HERC4: variants seen among roughly 807,000 people sequenced by gnomAD.
The protein encoded by HERC4 is HECT and RLD domain containing E3 ubiquitin protein ligase 4.
A neutral mutation model predicts 124.3 loss-of-function variants in HERC4; 28 were observed. The ratio of observed to expected loss-of-function variants is 0.23; its 90% CI spans 0.17 to 0.31. The LOEUF (loss-of-function observed/expected upper bound fraction) is 0.31, where lower values mean the gene tolerates loss of function less well. Ranked by LOEUF, HERC4 falls within the 10% of genes least tolerant of loss-of-function variation. The pLI, the probability that HERC4 is intolerant of heterozygous loss-of-function variation, is 1.00. For missense variants in HERC4, 713 were observed against 1,229.3 expected (o/e 0.58, Z 6.28); for synonymous variants, 407 against 421.5 (o/e 0.97, Z 0.42).
At chr10:67,978,838 C>T (rs1282382932) in intron 15 of HERC4, among the ~76,000 whole-genome samples, 2 of 152,172 alleles carry the variant, frequency 1.3e-5, no homozygotes, top group Non-Finnish European at 2.9e-5. Context: ...CCTGGTAATT[C>T]AGAGAATTCT....
intron 24 of HERC4, among the ~76,000 whole-genome samples, chr10:67,923,900 T>A (rs1422089867): frequency 1.3e-5 from 2 of 152,074 alleles, no homozygotes; most frequent in Non-Finnish European, 2.9e-5. Context: ...ACATAAATTC[T>A]GACAACTTTA....
intron 9 of HERC4, chr10:67,996,002 A>C (rs561661648): frequency 5.2e-5 from 16 of 307,970 alleles, no homozygotes; most frequent in Non-Finnish European, 1.0e-4. Flanking sequence ...CTCTATCTGA[A>C]AGTGTCCTTA....
chr10:67,971,399 A>G (rs1320795235), intron 15 of HERC4, among the ~76,000 whole-genome samples: 2 of 152,116 alleles, frequency 1.3e-5, no homozygotes, highest in Non-Finnish European at 2.9e-5. Context: ...AATATTAGCA[A>G]ATTAAATCCA....
At chr10:67,980,979 A>G (rs916224203) in intron 15 of HERC4, among the ~76,000 whole-genome samples, 2 of 152,062 alleles carry the variant, frequency 1.3e-5, no homozygotes, top group Non-Finnish European at 2.9e-5. Flanking sequence ...AAACAGCAAG[A>G]AAAAAAAGGA....
Position 67,922,997 on chromosome 10 carries a change from T to C in HERC4, c.3084A>G (p.Glu1028=). ...FNLLDLPKYT[E]KETLRSKLIQ... The stretch of plus-strand genomic sequence containing the variant: ...TCAGTTTAGAGCGTAGAGTTTCTTT[T>C]TCTGTATATTTTGGAAGATCCAGAA... The change falls in exon 25 of 25, where the codon GAA becomes GAG. Residue 1028 remains glutamate (E), a synonymous_variant. Coordinates refer to ENST00000373700, the MANE Select transcript of HERC4 (RefSeq NM_015601.4). The C allele has an allele frequency of 6.2e-7, 1 of 1,613,974 alleles. No individual in the cohort carries two copies. Among genetic ancestry groups the C allele is most frequent in the South Asian group, 1.1e-5 (1 of 91,080 alleles).
rs753625242 is a variant in HERC4 at position 68,034,150 on chromosome 10, C to A, written c.500G>T (p.Gly167Val). The A allele has an allele frequency of 6.2e-7, 1 of 1,614,040 alleles. No individual in the cohort carries two copies. The highest frequency in any genetic ancestry group is 8.5e-7 in the Non-Finnish European group (1 of 1,179,990). Reference sequence around the variant, plus strand: ...ACAGTCAGTACCTAAACCCAATTGGCCATATTTATTCTGTCCCCAACAGAA... The same window carrying A: ...ACAGTCAGTACCTAAACCCAATTGGACATATTTATTCTGTCCCCAACAGAA... ...EVFCWGQNKY[G>V]QLGLGTDCKK... is the part of the protein sequence containing the mutation. The change falls in exon 6 of 25, where the codon GGC becomes GTC. Residue 167 changes from glycine to valine, a missense_variant. By Grantham distance (109) the Gly-to-Val change is moderately radical. Coordinates refer to ENST00000373700, the MANE Select transcript of HERC4 (RefSeq NM_015601.4).
chr10:68,016,221 T>A (rs2038256386), intron 8 of HERC4, among the ~76,000 whole-genome samples: 1 of 152,258 alleles, frequency 6.6e-6, no homozygotes, highest in Non-Finnish European at 1.5e-5. Context: ...CACTTCATTA[T>A]ACTACTGGAA....
chr10:68,030,154 A>G (rs1332029973), intron 7 of HERC4, among the ~76,000 whole-genome samples: 5 of 152,032 alleles, frequency 3.3e-5, no homozygotes, highest in African/African-American at 1.2e-4. Context: ...TTAAAAACAT[A>G]TAAGGCCGGG....
chr10:68,072,043 A>T (rs2041600577), intron 3 of HERC4, among the ~76,000 whole-genome samples: 1 of 152,206 alleles, frequency 6.6e-6, no homozygotes, highest in African/African-American at 2.4e-5. Context: ...TGCCACAGAA[A>T]ATACTGAAGT....
intron 5 of HERC4, among the ~76,000 whole-genome samples, chr10:68,036,681 A>T (rs907382660): frequency 6.6e-6 from 1 of 152,128 alleles, no homozygotes; most frequent in African/African-American, 2.4e-5. Flanking sequence ...CCACTTTCTT[A>T]ACTCTATGCC....
chr10:67,966,046 C>T (rs1395869511), intron 16 of HERC4: 2 of 152,336 alleles, frequency 1.3e-5, no homozygotes, highest in Non-Finnish European at 2.9e-5. Context: ...AACACATAAT[C>T]GGCTCACTGC....
chr10:68,040,107 A>C, intron 4 of HERC4: 4 of 955,642 alleles, frequency 4.2e-6, no homozygotes, highest in Non-Finnish European at 5.0e-6. Context: ...ATACTGTTAA[A>C]GGATAACTAC....
At position 68,059,732 on chromosome 10, in the gene HERC4, TC is replaced by T. The variant is rs1205292313; in HGVS notation, c.226+13150del. 1.0e-4 allele frequency among the ~76,000 whole-genome samples: 6 copies of T among 57,164 alleles called. 1 individual carries two copies. Among genetic ancestry groups the T allele is most frequent in the African/African-American group, 8.6e-4 (4 of 4,642 alleles). 37.5% of individuals were successfully genotyped at this position (57,164 alleles called of 152,430 possible). A position where few individuals can be genotyped will look rare whatever the true frequency, so the allele number is the denominator to read the frequency against. On this transcript the variant is annotated intron_variant, in intron 3 of 24. Transcript: ENST00000373700. ...ATATCATAATATTATATATTATATA[TC>T]ATAATATTATATATTATAATATTAT...
chr10:68,025,675 T>C lies in HERC4; in HGVS notation c.779A>G (p.Glu260Gly). ...AGCTCCAAAAGTAAACACTCCACCT[T>C]CCTAAAAAAAGACAAAACCCCTTAT... ...GEDHTAALTK[E>G]GGVFTFGAGG... is the part of the protein sequence containing the mutation. Residue 260 changes from glutamate to glycine, a missense_variant and splice_region_variant, in exon 8 of 25, where the codon GAA becomes GGA. Glu to Gly is a moderately conservative substitution (Grantham distance 98). Transcript: ENST00000373700. 1 of 1,604,538 alleles carries C rather than the reference T, an allele frequency of 6.2e-7. No homozygotes were observed.
intron 5 of HERC4, among the ~76,000 whole-genome samples, chr10:68,034,704 C>T (rs1440304437): frequency 6.6e-6 from 1 of 152,116 alleles, no homozygotes; most frequent in East Asian, 1.9e-4. Flanking sequence ...GAATTCATGA[C>T]CCCCATCCTA....
intron 5 of HERC4, among the ~76,000 whole-genome samples, chr10:68,035,156 C>A (rs953157677): frequency 2.1e-5 from 3 of 139,672 alleles, no homozygotes; most frequent in Admixed American, 7.3e-5. Context: ...GACAACCACT[C>A]TTTTTTTTTT....
chr10:67,955,047 T>C lies in HERC4; in HGVS notation c.2109A>G (p.Leu703=), dbSNP rs1259696008. 1 of 1,600,492 alleles carries C rather than the reference T, an allele frequency of 6.2e-7. No individual in the cohort carries two copies. Residue 703 remains leucine (L), a synonymous_variant, in exon 18 of 25, where the codon CTA becomes CTG. Transcript: ENST00000373700. ...CTACAATATTTTCTCTACGCACCAC[T>C]AGAATTAAGCAGGGATTCACAGATT... ...VIESVNPCLI[L]VVRRENIVGD...
chr10:67,976,691 C>T lies in HERC4; in HGVS notation c.1807-9889G>A, dbSNP rs1280038332. Among the ~76,000 whole-genome samples, 3 of 152,196 alleles carry T rather than the reference C, an allele frequency of 2.0e-5. No homozygotes were observed. The East Asian group carries it at 5.8e-4, about 29-fold the overall frequency. On this transcript the variant is annotated intron_variant, in intron 15 of 24. Coordinates refer to ENST00000373700, the MANE Select transcript of HERC4 (RefSeq NM_015601.4). Reference sequence around the variant, plus strand: ...CTTGAATCACCAACATCACCCCTCTCCCAGCCCCTGGCAGAGGCATTGTGG... The same window carrying T: ...CTTGAATCACCAACATCACCCCTCTTCCAGCCCCTGGCAGAGGCATTGTGG...
chr10:68,031,479 T>C (rs2039199424), intron 7 of HERC4, among the ~76,000 whole-genome samples: 1 of 152,150 alleles, frequency 6.6e-6, no homozygotes, highest in South Asian at 2.1e-4. Flanking sequence ...GATATTAGGT[T>C]GGTGCAAAAT....
Sources: allele counts gnomAD v4.1 joint callset (sites outside exome capture counted in the v4.1 genomes callset), GRCh38; gene constraint gnomAD v4.1.1; transcripts MANE v1.5; gene names NCBI Gene and HGNC (gene_info 2026-07-23, HGNC 2026-07-21).